Variants in TAF1 observed in about 807,000 individuals in gnomAD.
The protein encoded by TAF1 is TATA-box binding protein associated factor 1.
Under a neutral mutation model 138.5 loss-of-function variants are expected in TAF1, and 2 were observed. The observed-to-expected ratio is 0.01, with a 90% CI of 0.01 to 0.05. TAF1 has a LOEUF of 0.05. TAF1 is among the 10% of genes least tolerant of loss of function. The pLI, the probability that TAF1 is intolerant of heterozygous loss-of-function variation, is 1.00. For synonymous variants in TAF1, 437 were observed against 503.2 expected (o/e 0.87, Z 1.76); for missense variants, 709 against 1,478.0 (o/e 0.48, Z 8.53).
At chrX:71,417,646 G>A in intron 28 of TAF1, among the ~76,000 whole-genome samples, 1 of 111,379 alleles carries the variant, frequency 9.0e-6, no homozygotes, top group Non-Finnish European at 1.9e-5. Context: ...TTACAGGCGT[G>A]AGCAACCACC....
chrX:71,377,522 A>G, intron 5 of TAF1, 81 bp from the exon 6 acceptor site: 1 of 1,083,494 alleles, frequency 9.2e-7, no homozygotes, highest in Non-Finnish European at 1.2e-6. Context: ...GAGATCTCTC[A>G]AGGGAGTTTT....
intron 13 of TAF1, among the ~76,000 whole-genome samples, chrX:71,499,625 C>T (rs775672997): frequency 1.5e-4 from 17 of 111,366 alleles, no homozygotes; most frequent in South Asian, 1.1e-3. Flanking sequence ...CCTTCTAGAA[C>T]GCAGGTCAGC....
At position 71,382,625 on chromosome X, in the gene TAF1, T is replaced by C. The variant is rs1201384017; in HGVS notation, c.1627T>C (p.Leu543=). 8.3e-7 allele frequency: 1 copy of C among 1,211,455 alleles called. No individual in the cohort carries two copies. The highest frequency in any genetic ancestry group is 2.2e-5 in the Admixed American group (1 of 45,969). The part of the protein sequence containing the change: ...ESSLKKSRIL[L]GKTGVIKEEP... ...ATCTCTGAAGAAGAGTCGAATTCTC[T>C]TAGGGAAAACAGGAGTCATCAAGGA... is the stretch of plus-strand genomic sequence containing the variant. The change falls in exon 10 of 38, where the codon TTA becomes CTA. Residue 543 remains leucine, a synonymous_variant. Coordinates refer to ENST00000423759, the MANE Select transcript of TAF1 (RefSeq NM_004606.5).
intron 13 of TAF1, among the ~76,000 whole-genome samples, chrX:71,525,210 T>G (rs755890849): frequency 1.8e-5 from 2 of 108,892 alleles, no homozygotes; most frequent in East Asian, 5.9e-4. Context: ...CCCGGCTAAT[T>G]TTTATATTTT....
intron 13 of TAF1, chrX:71,484,834 A>G (rs1403296376): frequency 8.9e-6 from 1 of 111,863 alleles, no homozygotes; most frequent in African/African-American, 3.2e-5. Flanking sequence ...ACAAAAGACC[A>G]TGACTTCTGT....
intron 13 of TAF1, among the ~76,000 whole-genome samples, chrX:71,506,519 C>T (rs2039630283): frequency 9.3e-6 from 1 of 107,665 alleles, no homozygotes; most frequent in South Asian, 4.1e-4. Context: ...CCCGTCTCTA[C>T]TATAAATATA....
At chrX:71,428,011 A>ATTTTT (rs779199962) in intron 32 of TAF1, among the ~76,000 whole-genome samples, 2 of 74,457 alleles carry the variant, frequency 2.7e-5, no homozygotes, top group African/African-American at 5.6e-5. Flanking sequence ...GATTAGCTCA[A>ATTTTT]TTTTTTTTTT....
intron 25 of TAF1, among the ~76,000 whole-genome samples, chrX:71,402,183 C>T: frequency 8.9e-6 from 1 of 111,978 alleles, no homozygotes; most frequent in Non-Finnish European, 1.9e-5. Flanking sequence ...CAGTGGCTCA[C>T]TGCCACCTCT....
chrX:71,376,244 A>T (rs747734689), intron 4 of TAF1, among the ~76,000 whole-genome samples: 35 of 111,893 alleles, frequency 3.1e-4, no homozygotes, highest in Non-Finnish European at 6.2e-4. Flanking sequence ...ATGCCAAAGA[A>T]CCTTAATGTT....
chrX:71,386,246 A>G lies in TAF1; in HGVS notation c.2227-1015A>G, dbSNP rs192457316. 2.7e-5 allele frequency among the ~76,000 whole-genome samples: 3 copies of G among 110,100 alleles called. No individual in the cohort carries two copies. The East Asian group carries it at 8.5e-4, about 31-fold the overall frequency. ...TTCACATGTAGAATTTTCTTTCCAC[A>G]CTCAGTGATGGTCTTCCCTCTTTCT... On this transcript the variant is annotated intron_variant, in intron 14 of 37. Coordinates refer to ENST00000423759, the MANE Select transcript of TAF1 (RefSeq NM_004606.5).
At chrX:71,440,456 A>G (rs1025295837) in intron 32 of TAF1, among the ~76,000 whole-genome samples, 3 of 110,980 alleles carry the variant, frequency 2.7e-5, no homozygotes, top group African/African-American at 9.8e-5. Context: ...AATGCCCAAG[A>G]ATAGAATGGT....
At chrX:71,459,464 G>T (rs961155024) in intron 35 of TAF1, 88 bp from the exon 36 acceptor site, 1 of 1,131,248 alleles carries the variant, frequency 8.8e-7, no homozygotes, top group Admixed American at 2.9e-5. Context: ...GATGGGCGGG[G>T]CGGGGAGGGG....
intron 28 of TAF1, chrX:71,420,434 T>C (rs1426147749): frequency 2.1e-5 from 25 of 1,209,153 alleles, no homozygotes; most frequent in Non-Finnish European, 2.8e-5. Flanking sequence ...GAAAGTGAGC[T>C]TCCAGCTCTT....
intron 32 of TAF1, among the ~76,000 whole-genome samples, chrX:71,435,754 G>A (rs773323622): frequency 1.4e-4 from 16 of 110,859 alleles, no homozygotes; most frequent in African/African-American, 5.2e-4. Context: ...TCTGACATAC[G>A]GAAACTTCAT....
chrX:71,429,759 A>G (rs1228545758), intron 32 of TAF1, among the ~76,000 whole-genome samples: 1 of 111,287 alleles, frequency 9.0e-6, no homozygotes, highest in Non-Finnish European at 1.9e-5. Flanking sequence ...GGTCAGTATC[A>G]ATAAGAGTAA....
At chrX:71,384,699 G>C (rs1406706856) in intron 13 of TAF1, among the ~76,000 whole-genome samples, 1 of 111,697 alleles carries the variant, frequency 9.0e-6, no homozygotes, top group African/African-American at 3.3e-5. Flanking sequence ...GAGCCACCAT[G>C]CCCGGCCAAT....
rs1027600077 is a variant in TAF1, at chrX:71,438,604, T to C, written c.4753+14366T>C. ...AACAGGATCACATAATTATCAGATATAGTGGGCACTTTTCTGTCCTTATCT... is the reference window on the plus strand; with the variant it reads ...AACAGGATCACATAATTATCAGATACAGTGGGCACTTTTCTGTCCTTATCT... On this transcript the variant is annotated intron_variant, in intron 32 of 37. Coordinates refer to ENST00000423759, the MANE Select transcript of TAF1 (RefSeq NM_004606.5). 3.6e-5 allele frequency among the ~76,000 whole-genome samples: 4 copies of C among 111,946 alleles called. No individual in the cohort carries two copies. In the Admixed American group the frequency reaches 3.8e-4, roughly 11 times the overall value.
intron 13 of TAF1, among the ~76,000 whole-genome samples, chrX:71,475,461 T>A (rs1449226806): frequency 9.2e-6 from 1 of 108,491 alleles, no homozygotes; most frequent in African/African-American, 3.4e-5. Flanking sequence ...GGCGGGAGCC[T>A]GTAGTCCCAG....
At chrX:71,458,418 G>A (rs1255395562) in intron 35 of TAF1, 52 bp downstream of exon 35, 5 of 1,182,681 alleles carry the variant, frequency 4.2e-6, no homozygotes, top group South Asian at 3.8e-5. Flanking sequence ...TGCAAGTGGG[G>A]CTAGGGGAAT....
Sources: allele counts gnomAD v4.1 joint callset (sites outside exome capture counted in the v4.1 genomes callset), GRCh38; gene constraint gnomAD v4.1.1; transcripts MANE v1.5; gene names NCBI Gene and HGNC (gene_info 2026-07-23, HGNC 2026-07-21).